CSMD1: variants seen among roughly 807,000 people sequenced by gnomAD.
CSMD1 encodes the protein CUB and Sushi multiple domains 1.
Under a neutral mutation model 417.5 loss-of-function variants are expected in CSMD1, and 213 were observed. That is an observed-to-expected ratio of 0.51 (90% CI 0.46 to 0.57). The LOEUF is 0.57. CSMD1 is among the 20% of genes least tolerant of loss of function. The pLI, the probability that CSMD1 is intolerant of heterozygous loss-of-function variation, is 0.00. For synonymous variants in CSMD1, 2,862 were observed against 1,736.8 expected (o/e 1.65, Z -16.11); for missense variants, 6,923 against 4,529.7 (o/e 1.53, Z -15.17).
At chr8:4,722,592 G>A (rs569922681) in intron 1 of CSMD1, among the ~76,000 whole-genome samples, 1 of 152,062 alleles carries the variant, frequency 6.6e-6, no homozygotes, top group Non-Finnish European at 1.5e-5. Context: ...GTTCCTTCTT[G>A]GAGGAGCCCT....
intron 3 of CSMD1, among the ~76,000 whole-genome samples, chr8:4,368,999 G>T (rs552032206): frequency 6.6e-6 from 1 of 151,984 alleles, no homozygotes; most frequent in Non-Finnish European, 1.5e-5. Context: ...TTTGGGGATG[G>T]TTTGCTCTGG....
intron 12 of CSMD1, among the ~76,000 whole-genome samples, chr8:3,430,596 C>T (rs181553291): frequency 3.2e-4 from 48 of 152,250 alleles, no homozygotes; most frequent in Admixed American, 1.7e-3. Flanking sequence ...CATTTGAGGT[C>T]AGGAGTTTGA....
At chr8:3,071,667 C>T (rs1026350056) in intron 49 of CSMD1, among the ~76,000 whole-genome samples, 2 of 152,124 alleles carry the variant, frequency 1.3e-5, no homozygotes, top group Admixed American at 6.5e-5. Flanking sequence ...CATTTGAATG[C>T]ATAAGGCTTT....
intron 1 of CSMD1, among the ~76,000 whole-genome samples, chr8:4,700,555 A>AAACTTAAG (rs1807460379): frequency 6.6e-6 from 1 of 152,174 alleles, no homozygotes; most frequent in Non-Finnish European, 1.5e-5. Context: ...AAAGGATGAA[A>AAACTTAAG]AACTTAAGTG....
In CSMD1 at chr8:4,240,639, C is replaced by G. The variant is rs1035572029; in HGVS notation, c.415+179314G>C. ...GGCTATCCAATCTCATTCCCAGTGCCTTTCAACAAGTACTCCCCTTATACA... is the reference window on the plus strand; with the variant it reads ...GGCTATCCAATCTCATTCCCAGTGCGTTTCAACAAGTACTCCCCTTATACA... On this transcript the variant is annotated intron_variant, in intron 3 of 69. Coordinates refer to ENST00000635120, the MANE Select transcript of CSMD1 (RefSeq NM_033225.6). Among the ~76,000 whole-genome samples the G allele has an allele frequency of 7.9e-5, 12 of 152,264 alleles. No homozygotes were observed. In the East Asian group the frequency reaches 1.4e-3, roughly 17 times the overall value.
intron 3 of CSMD1, among the ~76,000 whole-genome samples, chr8:4,372,982 G>T (rs1011184685): frequency 1.3e-5 from 2 of 152,162 alleles, no homozygotes; most frequent in Non-Finnish European, 2.9e-5. Flanking sequence ...AATATAAAGT[G>T]ACTTCACACT....
At chr8:3,193,631 C>G (rs1173887443) in intron 33 of CSMD1, among the ~76,000 whole-genome samples, 3 of 151,968 alleles carry the variant, frequency 2.0e-5, no homozygotes, top group Admixed American at 2.0e-4. Context: ...TGCTGTGAAG[C>G]CAAATTGAAA....
At chr8:4,045,395 T>C (rs182554246) in intron 3 of CSMD1, among the ~76,000 whole-genome samples, 14 of 152,294 alleles carry the variant, frequency 9.2e-5, no homozygotes, top group Middle Eastern at 3.4e-3. Context: ...CAGTGCTACA[T>C]TACCGATCAT....
At chr8:3,676,682 C>G (rs1293501570) in intron 7 of CSMD1, among the ~76,000 whole-genome samples, 2 of 152,132 alleles carry the variant, frequency 1.3e-5, no homozygotes, top group African/African-American at 2.4e-5. Context: ...AGTTCCATAT[C>G]TTAAAGATGA....
chr8:4,268,227 T>C lies in CSMD1; in HGVS notation c.415+151726A>G, dbSNP rs75044024. Among the ~76,000 whole-genome samples the C allele has an allele frequency of 2.7e-3, 417 of 152,220 alleles. 11 individuals carry two copies. In the East Asian group the frequency reaches 0.059, roughly 21 times the overall value. On this transcript the variant is annotated intron_variant, in intron 3 of 69. Transcript: ENST00000635120. The stretch of plus-strand genomic sequence containing the variant: ...TTATCATCCTGTTTAAAGAAAATAA[T>C]TGTAAGGTGAGCAAAAGATGGCATT...
intron 1 of CSMD1, among the ~76,000 whole-genome samples, chr8:4,761,041 T>G (rs1027835227): frequency 6.6e-6 from 1 of 152,208 alleles, no homozygotes. Flanking sequence ...CAGTATGTTG[T>G]ATCTCGGAGC....
intron 1 of CSMD1, among the ~76,000 whole-genome samples, chr8:4,778,541 T>C (rs1373689730): frequency 6.6e-6 from 1 of 152,200 alleles, no homozygotes; most frequent in Non-Finnish European, 1.5e-5. Flanking sequence ...ATCATAACTT[T>C]ATAGATCAAT....
chr8:3,009,196 G>A (rs1352530253), intron 52 of CSMD1, among the ~76,000 whole-genome samples: 1 of 152,178 alleles, frequency 6.6e-6, no homozygotes, highest in South Asian at 2.1e-4. Context: ...CCCCTAGAGG[G>A]GCCTACTTGA....
At chr8:4,172,395 G>A (rs769273325) in intron 3 of CSMD1, among the ~76,000 whole-genome samples, 55 of 152,058 alleles carry the variant, frequency 3.6e-4, no homozygotes, top group Non-Finnish European at 6.0e-4. Flanking sequence ...AATCTAAATA[G>A]CCAGTGGGTC....
intron 1 of CSMD1, among the ~76,000 whole-genome samples, chr8:4,899,298 A>G (rs1000754492): frequency 4.6e-5 from 7 of 151,326 alleles, no homozygotes; most frequent in Non-Finnish European, 1.0e-4. Context: ...AACATTATTG[A>G]TAACATAAAT....
At chr8:4,524,568 TC>T (rs557376821) in intron 2 of CSMD1, among the ~76,000 whole-genome samples, 2 of 98,590 alleles carry the variant, frequency 2.0e-5, no homozygotes, top group African/African-American at 2.9e-5. Flanking sequence ...TCACACTTGG[TC>T]TTTTTTTTTT....
At chr8:3,631,225 C>T (rs977383917) in intron 7 of CSMD1, among the ~76,000 whole-genome samples, 2 of 152,160 alleles carry the variant, frequency 1.3e-5, no homozygotes, top group Non-Finnish European at 2.9e-5. Context: ...GTGGACAGCA[C>T]GTAACACGAT....
chr8:3,616,285 G>C (rs188242049), intron 8 of CSMD1, among the ~76,000 whole-genome samples: 2 of 152,220 alleles, frequency 1.3e-5, no homozygotes, highest in Admixed American at 1.3e-4. Flanking sequence ...GTTAGTGAGT[G>C]AGTTCTCATG....
At chr8:3,873,729 T>C (rs1001966360) in intron 5 of CSMD1, among the ~76,000 whole-genome samples, 4 of 152,080 alleles carry the variant, frequency 2.6e-5, no homozygotes, top group Non-Finnish European at 5.9e-5. Context: ...ATAAAAAGCC[T>C]TTTTCTCAGT....
Sources: gnomAD v4.1 joint callset for allele counts (sites outside exome capture counted in the v4.1 genomes callset) on GRCh38, gnomAD v4.1.1 for gene constraint, MANE v1.5 for transcripts, NCBI Gene and HGNC (gene_info 2026-07-23, HGNC 2026-07-21) for gene names.